Variants in MAGI2 observed in about 807,000 individuals in gnomAD.
MAGI2 encodes the protein membrane-associated guanylate kinase, WW and PDZ domain-containing protein 2.
MAGI2 carries 35 observed loss-of-function variants against 133.3 expected under a neutral mutation model. That is an observed-to-expected ratio of 0.26 (90% confidence interval 0.20 to 0.35). The LOEUF (loss-of-function observed/expected upper bound fraction) is 0.35. Among genes scored for constraint, MAGI2 ranks in the 10% least tolerant of loss-of-function variants. The pLI is 1.00. For missense variants in MAGI2, 1,636 were observed against 1,863.4 expected, an observed-to-expected ratio of 0.88 and a Z score of 2.25; for synonymous variants, 729 against 710.6, an observed-to-expected ratio of 1.03 and a Z score of -0.41.
rs1585840184 is a variant in MAGI2 at position 79,399,079 on chromosome 7, C to CTTTTCTTTTTTTTTT, written c.301+53940_301+53941insAAAAAAAAAAGAAAA. Among the ~76,000 whole-genome samples the CTTTTCTTTTTTTTTT allele has an allele frequency of 3.3e-3, 382 of 114,548 alleles. 31 individuals are homozygous for CTTTTCTTTTTTTTTT. Among genetic ancestry groups the CTTTTCTTTTTTTTTT allele is most frequent in the East Asian group, 0.027 (90 of 3,392 alleles). The allele number at this position is 114,548 out of a possible 152,430, so 75.1% of individuals were successfully genotyped here. A position where few individuals can be genotyped will look rare whatever the true frequency, so the allele number is the denominator to read the frequency against. On this transcript the variant is annotated intron_variant, in intron 1 of 21. Coordinates refer to ENST00000354212, the MANE Select transcript of MAGI2 (RefSeq NM_012301.4). ...CATCTTCAATTCACTAGTATTATTT[C>CTTTTCTTTTTTTTTT]TTTTTTTTTTCTTTTCTTTTTTTTT... is the stretch of plus-strand genomic sequence containing the variant.
In MAGI2 at chr7:78,051,267, C is replaced by T. The variant is rs75303323; in HGVS notation, c.3706+27680G>A. ...ACAGTACACAGATGCAGGCAAGCTC[C>T]GAGGTGCTGGAGAGGGCCGATGATT... On this transcript the variant is annotated intron_variant, in intron 21 of 21. Coordinates refer to ENST00000354212, the MANE Select transcript of MAGI2 (RefSeq NM_012301.4). Among the ~76,000 whole-genome samples, 685 of 152,234 alleles carry T rather than the reference C, an allele frequency of 4.5e-3. 7 individuals carry two copies. Among genetic ancestry groups the T allele is most frequent in the African/African-American group, 0.016 (646 of 41,540 alleles).
At chr7:79,078,174 A>G (rs904509173) in intron 1 of MAGI2, among the ~76,000 whole-genome samples, 1 of 152,190 alleles carries the variant, frequency 6.6e-6, no homozygotes, top group Non-Finnish European at 1.5e-5. Flanking sequence ...TCAGCCTTTC[A>G]TGTGAAGAGG....
intron 1 of MAGI2, among the ~76,000 whole-genome samples, chr7:79,297,777 T>C (rs1837055774): frequency 6.6e-6 from 1 of 152,220 alleles, no homozygotes; most frequent in East Asian, 1.9e-4. Context: ...TGAGCAGCAA[T>C]ATTTATTGCC....
chr7:78,949,737 A>G (rs1214443184), intron 2 of MAGI2, among the ~76,000 whole-genome samples: 1 of 152,184 alleles, frequency 6.6e-6, no homozygotes, highest in Non-Finnish European at 1.5e-5. Context: ...TTGAAATACA[A>G]CCATCCAGAA....
At chr7:78,522,652 T>C (rs1362390605) in intron 3 of MAGI2, among the ~76,000 whole-genome samples, 1 of 152,196 alleles carries the variant, frequency 6.6e-6, no homozygotes, top group Non-Finnish European at 1.5e-5. Context: ...AGTGCTGGGA[T>C]TACAGGCATG....
At chr7:78,928,615 G>A (rs1361213704) in intron 2 of MAGI2, among the ~76,000 whole-genome samples, 2 of 152,020 alleles carry the variant, frequency 1.3e-5, no homozygotes, top group African/African-American at 2.4e-5. Context: ...TTAAATAGAA[G>A]CAAGGTGCTT....
At chr7:78,947,647 T>C (rs1394084187) in intron 2 of MAGI2, among the ~76,000 whole-genome samples, 1 of 151,978 alleles carries the variant, frequency 6.6e-6, no homozygotes, top group Non-Finnish European at 1.5e-5. Context: ...CAAAGTAGAG[T>C]TTATATTATT....
intron 6 of MAGI2, among the ~76,000 whole-genome samples, chr7:78,421,266 T>C (rs1798772190): frequency 6.6e-6 from 1 of 152,202 alleles, no homozygotes. Context: ...TCAGTGCCAC[T>C]GAACACCTTT....
intron 3 of MAGI2, among the ~76,000 whole-genome samples, chr7:78,573,035 G>GTA (rs765938732): frequency 0.045 from 1,424 of 31,464 alleles, 37 homozygotes; most frequent in Non-Finnish European, 0.059. Context: ...GCATATGTAT[G>GTA]TATATATATA....
At chr7:78,163,413 A>T (rs1825289735) in intron 15 of MAGI2, among the ~76,000 whole-genome samples, 1 of 152,104 alleles carries the variant, frequency 6.6e-6, no homozygotes, top group African/African-American at 2.4e-5. Context: ...TGCTGGGATT[A>T]CAGGCGTGAG....
chr7:78,251,568 ATATATT>A (rs1407805477), intron 10 of MAGI2: 3 of 152,346 alleles, frequency 2.0e-5, no homozygotes, highest in Middle Eastern at 3.4e-3. Context: ...ATGCATTTCT[ATATATT>A]AGCAATAAAC....
chr7:78,411,832 T>G (rs1414147186), intron 6 of MAGI2, among the ~76,000 whole-genome samples: 2 of 152,040 alleles, frequency 1.3e-5, no homozygotes, highest in African/African-American at 4.8e-5. Flanking sequence ...GATTCTTGAC[T>G]TCATTTAAAT....
intron 1 of MAGI2, among the ~76,000 whole-genome samples, chr7:79,107,992 CT>C (rs1287365211): frequency 6.6e-6 from 1 of 152,122 alleles, no homozygotes; most frequent in Non-Finnish European, 1.5e-5. Flanking sequence ...TTACAAAGTA[CT>C]TGATTTAATG....
intron 1 of MAGI2, among the ~76,000 whole-genome samples, chr7:79,097,636 T>C (rs1817631344): frequency 6.6e-6 from 1 of 152,032 alleles, no homozygotes; most frequent in South Asian, 2.1e-4. Context: ...AGGGCTGTGG[T>C]GAAGGCCAAG....
chr7:78,335,774 A>G (rs1422798192), intron 9 of MAGI2, among the ~76,000 whole-genome samples: 2 of 152,362 alleles, frequency 1.3e-5, no homozygotes, highest in Admixed American at 1.3e-4. Context: ...ATTGCAATAA[A>G]GAAAGAGTAT....
chr7:78,454,066 C>T (rs571974165), intron 6 of MAGI2, among the ~76,000 whole-genome samples: 4 of 152,230 alleles, frequency 2.6e-5, no homozygotes, highest in East Asian at 3.9e-4. Context: ...CCTCCACATC[C>T]GGATTAACAT....
chr7:78,104,866 A>G (rs1455350702), intron 20 of MAGI2, among the ~76,000 whole-genome samples: 1 of 152,222 alleles, frequency 6.6e-6, no homozygotes, highest in Non-Finnish European at 1.5e-5. Context: ...ATTATGAAAT[A>G]TATCAAAGTA....
chr7:78,755,450 T>C (rs1823854509), intron 2 of MAGI2, among the ~76,000 whole-genome samples: 1 of 152,214 alleles, frequency 6.6e-6, no homozygotes, highest in South Asian at 2.1e-4. Flanking sequence ...TTTAAGCATG[T>C]TTCAAAGAGT....
chr7:79,191,207 A>G (rs1034055919), intron 1 of MAGI2, among the ~76,000 whole-genome samples: 1 of 151,312 alleles, frequency 6.6e-6, no homozygotes, highest in African/African-American at 2.4e-5. Context: ...TTACTTTCCC[A>G]TGTATATCCC....
Sources: gnomAD v4.1 joint callset for allele counts (sites outside exome capture counted in the v4.1 genomes callset) on GRCh38, gnomAD v4.1.1 for gene constraint, MANE v1.5 for transcripts, NCBI Gene and HGNC (gene_info 2026-07-23, HGNC 2026-07-21) for gene names.